The following CPPED1 variants were observed in gnomAD, a reference collection of about 807,000 sequenced individuals.
CPPED1 encodes calcineurin like phosphoesterase domain containing 1, also known as serine/threonine-protein phosphatase CPPED1.
A neutral mutation model predicts 28.0 loss-of-function variants in CPPED1; 28 were observed. That is an observed-to-expected ratio of 1.00 (90% CI 0.74 to 1.37). The LOEUF is 1.37. CPPED1 is among the 40% of genes most tolerant of loss of function. CPPED1 has a pLI of 0.00. For synonymous variants in CPPED1, 198 were observed against 180.2 expected, an observed-to-expected ratio of 1.10 and a Z score of -0.79; for missense variants, 504 against 416.5, an observed-to-expected ratio of 1.21 and a Z score of -1.83.
intron 3 of CPPED1, among the ~76,000 whole-genome samples, chr16:12,695,984 T>C (rs1333868563): frequency 6.6e-6 from 1 of 152,238 alleles, no homozygotes; most frequent in Non-Finnish European, 1.5e-5. Context: ...GAATTTTTCA[T>C]CTACTTCAGC....
intron 1 of CPPED1, among the ~76,000 whole-genome samples, chr16:12,786,895 G>C (rs1004783598): frequency 1.3e-5 from 2 of 152,218 alleles, no homozygotes; most frequent in African/African-American, 2.4e-5. Context: ...CTGGGTGACA[G>C]AGAGAGACTC....
chr16:12,686,213 C>T (rs1011496928), intron 3 of CPPED1, among the ~76,000 whole-genome samples: 2 of 150,518 alleles, frequency 1.3e-5, no homozygotes, highest in African/African-American at 2.5e-5. Context: ...TTGAAGATTG[C>T]TTGTTTATTA....
At chr16:12,725,063 G>A (rs1245006168) in intron 2 of CPPED1, among the ~76,000 whole-genome samples, 2 of 151,830 alleles carry the variant, frequency 1.3e-5, no homozygotes, top group Admixed American at 1.3e-4. Flanking sequence ...TGGGATTACA[G>A]GTGTGACTTA....
intron 3 of CPPED1, among the ~76,000 whole-genome samples, chr16:12,703,595 T>C (rs1934703572): frequency 6.7e-6 from 1 of 148,892 alleles, no homozygotes; most frequent in African/African-American, 2.5e-5. Flanking sequence ...GGCATGAGAA[T>C]CACTTGAACC....
At chr16:12,732,340 G>A (rs1342728595) in intron 2 of CPPED1, among the ~76,000 whole-genome samples, 2 of 133,406 alleles carry the variant, frequency 1.5e-5, no homozygotes, top group African/African-American at 2.8e-5. Context: ...AGTAGAGTGA[G>A]CAAGGAAGTG....
At chr16:12,778,277 CTT>C (rs371883790) in intron 2 of CPPED1, among the ~76,000 whole-genome samples, 115 of 116,142 alleles carry the variant, frequency 9.9e-4, no homozygotes, top group African/African-American at 1.8e-3. Context: ...TTCTTTCTTT[CTT>C]TTTTTTTTTT....
At chr16:12,714,568 T>C (rs1412887419) in intron 2 of CPPED1, among the ~76,000 whole-genome samples, 1 of 152,248 alleles carries the variant, frequency 6.6e-6, no homozygotes, top group Non-Finnish European at 1.5e-5. Flanking sequence ...TTGTGCTTAC[T>C]GGCAATTTTT....
intron 1 of CPPED1, among the ~76,000 whole-genome samples, chr16:12,786,477 G>A (rs2080563775): frequency 6.6e-6 from 1 of 152,166 alleles, no homozygotes; most frequent in South Asian, 2.1e-4. Context: ...GTTTGGTTTT[G>A]CATACTTCTC....
In CPPED1 at chr16:12,661,434, G is replaced by C. The variant is rs1451573847; in HGVS notation, c.*3452C>G. The C allele has an allele frequency of 6.6e-6, 1 of 152,148 alleles. No individual in the cohort carries two copies. Among genetic ancestry groups the C allele is most frequent in the Admixed American group, 6.5e-5 (1 of 15,272 alleles). The allele number at this position is 152,148 out of a possible 1,614,324, so 9.4% of individuals were successfully genotyped here. ...TTCTCCCCAAACTTAGGAGAAACTT[G>C]ACTAAAGATGTGAGATAAAATTATT... On this transcript the variant is annotated 3_prime_UTR_variant, in exon 4 of 4. Coordinates refer to ENST00000381774, the MANE Select transcript of CPPED1 (RefSeq NM_018340.3).
At chr16:12,732,842 G>A (rs962469717) in intron 2 of CPPED1, among the ~76,000 whole-genome samples, 3 of 152,112 alleles carry the variant, frequency 2.0e-5, no homozygotes, top group African/African-American at 7.2e-5. Flanking sequence ...CATTTTTGGT[G>A]CAATTTCTTC....
At chr16:12,704,518 T>G in intron 3 of CPPED1, 106 bp downstream of exon 3, 1 of 1,221,826 alleles carries the variant, frequency 8.2e-7, no homozygotes, top group Non-Finnish European at 1.1e-6. Context: ...CCCGGCCTAG[T>G]CCTCTCTCCC....
chr16:12,703,203 G>A (rs898421560), intron 3 of CPPED1, among the ~76,000 whole-genome samples: 10 of 152,256 alleles, frequency 6.6e-5, no homozygotes, highest in African/African-American at 1.7e-4. Flanking sequence ...AATTTCAAAC[G>A]ACTTAATAGA....
intron 2 of CPPED1, among the ~76,000 whole-genome samples, chr16:12,744,784 C>T (rs919636111): frequency 6.6e-6 from 1 of 152,140 alleles, no homozygotes; most frequent in Non-Finnish European, 1.5e-5. Flanking sequence ...AGTTCAAGAC[C>T]AGCCTCCTGG....
chr16:12,706,890 C>A (rs925723021), intron 2 of CPPED1, among the ~76,000 whole-genome samples: 1 of 152,170 alleles, frequency 6.6e-6, no homozygotes, highest in African/African-American at 2.4e-5. Flanking sequence ...GGTGGCTGCA[C>A]GGCCTGAAGC....
chr16:12,786,848 G>T (rs1202576393), intron 1 of CPPED1, among the ~76,000 whole-genome samples: 2 of 152,188 alleles, frequency 1.3e-5, no homozygotes. Context: ...GGAGGTGGAG[G>T]TTGCAGTGAG....
At chr16:12,704,533 T>A in intron 3 of CPPED1, 91 bp downstream of exon 3, 1 of 1,351,904 alleles carries the variant, frequency 7.4e-7, no homozygotes, top group Non-Finnish European at 1.0e-6. Context: ...TCTCCCTTTT[T>A]GACACATTGC....
intron 2 of CPPED1, among the ~76,000 whole-genome samples, chr16:12,764,031 A>C (rs76242679): frequency 5.6e-5 from 8 of 143,274 alleles, no homozygotes; most frequent in Non-Finnish European, 1.2e-4. Flanking sequence ...TCCCATTTGC[A>C]TTTTTTTTTT....
chr16:12,763,971 T>C (rs912939388), intron 2 of CPPED1, among the ~76,000 whole-genome samples: 4 of 151,786 alleles, frequency 2.6e-5, no homozygotes, highest in African/African-American at 9.7e-5. Flanking sequence ...TATCCTGCTA[T>C]GGAAAGACCA....
chr16:12,731,797 C>CT (rs2141205528), intron 2 of CPPED1, among the ~76,000 whole-genome samples: 1 of 149,560 alleles, frequency 6.7e-6, no homozygotes, highest in East Asian at 2.0e-4. Flanking sequence ...AGCAATGTGT[C>CT]TAATATGAAA....
Sources: allele counts gnomAD v4.1 joint callset (sites outside exome capture counted in the v4.1 genomes callset), GRCh38; gene constraint gnomAD v4.1.1; transcripts MANE v1.5; gene names NCBI Gene and HGNC (gene_info 2026-07-23, HGNC 2026-07-21).